The following BCL2 variants were observed in gnomAD, a reference collection of about 807,000 sequenced individuals.
The protein encoded by BCL2 is BCL2 apoptosis regulator, also known as apoptosis regulator Bcl-2.
BCL2 carries 1 observed loss-of-function variant against 14.2 expected under a neutral mutation model. The ratio of observed to expected loss-of-function variants is 0.07; its 90% CI spans 0.02 to 0.33. BCL2 has a LOEUF of 0.33. Among genes scored for constraint, BCL2 ranks in the 10% least tolerant of loss-of-function variants. The probability of loss-of-function intolerance (pLI) is 0.99; values close to 1 mark genes in which losing one functional copy is unlikely to be tolerated. For synonymous variants in BCL2, 151 were observed against 137.2 expected (o/e 1.10, Z -0.70); for missense variants, 247 against 305.9 (o/e 0.81, Z 1.44).
At chr18:63,232,574 A>G (rs183617194) in intron 2 of BCL2, among the ~76,000 whole-genome samples, 2 of 152,372 alleles carry the variant, frequency 1.3e-5, no homozygotes, top group East Asian at 1.9e-4. Flanking sequence ...TCAGAGAAAT[A>G]CAAATCAAGA....
intron 2 of BCL2, among the ~76,000 whole-genome samples, chr18:63,259,191 T>C (rs950929791): frequency 6.6e-6 from 1 of 152,252 alleles, no homozygotes; most frequent in African/African-American, 2.4e-5. Context: ...GCCTGTAATG[T>C]GGCAAAATGT....
chr18:63,198,441 GACAC>G (rs1264694308), intron 2 of BCL2, among the ~76,000 whole-genome samples: 1 of 59,546 alleles, frequency 1.7e-5, no homozygotes, highest in Non-Finnish European at 3.6e-5. Context: ...GACACACACT[GACAC>G]ACAGACACAG....
At position 63,229,319 on chromosome 18, in the gene BCL2, A is replaced by G. The variant is rs140998038; in HGVS notation, c.585+88763T>C. ...AAATGTCAAAAATATGCAAGAAAAT[A>G]GAATACAGGAAAGTGGTATTTAGGT... On this transcript the variant is annotated intron_variant, in intron 2 of 2. Transcript: ENST00000333681. 3.9e-5 allele frequency among the ~76,000 whole-genome samples: 6 copies of G among 152,368 alleles called. No individual in the cohort carries two copies. In the East Asian group the frequency reaches 1.2e-3, roughly 29 times the overall value.
rs1913617099 is a variant in BCL2 at position 63,319,239 on chromosome 18, A to G, written c.-352T>C. 8.1e-6 allele frequency: 2 copies of G among 245,650 alleles called. No homozygotes were observed. The highest frequency in any genetic ancestry group is 1.5e-5 in the Non-Finnish European group (2 of 130,478). The allele number at this position is 245,650 out of a possible 1,614,324, so 15.2% of individuals were successfully genotyped here. On this transcript the variant is annotated 5_prime_UTR_variant, in exon 1 of 3. It removes an upstream start codon present in the reference 5' UTR. Transcript: ENST00000333681. ...CTTTTTGTAAAACCAAAACAAATGC[A>G]TAAGGCAACGATCCCATCAATCTTC...
chr18:63,315,856 G>GGT (rs952840231), intron 2 of BCL2: 1 of 151,860 alleles, frequency 6.6e-6, no homozygotes, highest in African/African-American at 2.4e-5. Context: ...TGCATTTCCT[G>GGT]GTATATATAT....
intron 2 of BCL2, among the ~76,000 whole-genome samples, chr18:63,313,224 C>G (rs1048019074): frequency 2.0e-5 from 3 of 152,230 alleles, no homozygotes; most frequent in African/African-American, 7.2e-5. Flanking sequence ...GCAAAGCTCT[C>G]CTTGCCGTGC....
At chr18:63,144,099 C>T (rs1231443907) in intron 2 of BCL2, among the ~76,000 whole-genome samples, 1 of 152,286 alleles carries the variant, frequency 6.6e-6, no homozygotes, top group East Asian at 1.9e-4. Context: ...TGAGGAAACC[C>T]CTTGGCCAAT....
intron 2 of BCL2, among the ~76,000 whole-genome samples, chr18:63,206,342 AG>A (rs948424277): frequency 1.3e-5 from 2 of 152,242 alleles, no homozygotes; most frequent in Non-Finnish European, 2.9e-5. Flanking sequence ...GTGGAAGCAA[AG>A]GAAGTGCACA....
At chr18:63,302,396 A>G (rs931211805) in intron 2 of BCL2, 3 of 984,948 alleles carry the variant, frequency 3.0e-6, no homozygotes, top group Middle Eastern at 5.2e-4. Flanking sequence ...GGGTTTGGGG[A>G]GCCTGATGGT....
At chr18:63,290,182 C>T (rs958101371) in intron 2 of BCL2, among the ~76,000 whole-genome samples, 2 of 152,024 alleles carry the variant, frequency 1.3e-5, no homozygotes, top group African/African-American at 4.8e-5. Context: ...GGAGGGATGA[C>T]GATGAGTTTA....
At chr18:63,136,029 C>T (rs1914199428) in intron 2 of BCL2, among the ~76,000 whole-genome samples, 1 of 152,124 alleles carries the variant, frequency 6.6e-6, no homozygotes, top group Non-Finnish European at 1.5e-5. Flanking sequence ...TCTTCCGTGA[C>T]TCTGCTCCCT....
chr18:63,232,361 G>A (rs1910712890), intron 2 of BCL2, among the ~76,000 whole-genome samples: 1 of 152,020 alleles, frequency 6.6e-6, no homozygotes, highest in African/African-American at 2.4e-5. Flanking sequence ...ATGTTTAAAG[G>A]CAATAAATAG....
intron 2 of BCL2, among the ~76,000 whole-genome samples, chr18:63,243,999 T>C (rs535186243): frequency 6.6e-6 from 1 of 152,292 alleles, no homozygotes; most frequent in Admixed American, 6.5e-5. Flanking sequence ...ATCCCAGCAC[T>C]TTGGGAGACC....
At chr18:63,316,935 T>A (rs1446221556) in intron 2 of BCL2, 3 of 145,550 alleles carry the variant, frequency 2.1e-5, no homozygotes, top group Non-Finnish European at 1.5e-5. Flanking sequence ...ACAAAAAGTG[T>A]AAAAAAAAAA....
intron 2 of BCL2, among the ~76,000 whole-genome samples, chr18:63,228,596 C>T (rs1479587837): frequency 2.0e-5 from 3 of 152,140 alleles, no homozygotes; most frequent in Admixed American, 1.3e-4. Context: ...TACTGTATCT[C>T]CAGTGTTTAG....
intron 2 of BCL2, among the ~76,000 whole-genome samples, chr18:63,237,253 G>GT (rs1388607333): frequency 2.0e-5 from 3 of 152,288 alleles, no homozygotes; most frequent in African/African-American, 7.2e-5. Flanking sequence ...AAACAGGCGG[G>GT]GGGGAGGTGG....
At chr18:63,142,637 C>T (rs1317952142) in intron 2 of BCL2, among the ~76,000 whole-genome samples, 5 of 152,186 alleles carry the variant, frequency 3.3e-5, no homozygotes, top group Non-Finnish European at 2.9e-5. Flanking sequence ...TGCGATGATC[C>T]TCTGAGAAGC....
At chr18:63,150,056 G>A (rs542177718) in intron 2 of BCL2, among the ~76,000 whole-genome samples, 1 of 151,936 alleles carries the variant, frequency 6.6e-6, no homozygotes, top group African/African-American at 2.4e-5. Context: ...AATTTTTGTA[G>A]TTTTTTTGTA....
At chr18:63,178,029 C>G (rs1915390960) in intron 2 of BCL2, among the ~76,000 whole-genome samples, 1 of 152,186 alleles carries the variant, frequency 6.6e-6, no homozygotes, top group African/African-American at 2.4e-5. Flanking sequence ...AGTGTGAGCT[C>G]AGGGCCCAGA....
Sources: gnomAD v4.1 joint callset for allele counts (sites outside exome capture counted in the v4.1 genomes callset) on GRCh38, gnomAD v4.1.1 for gene constraint, MANE v1.5 for transcripts, NCBI Gene and HGNC (gene_info 2026-07-23, HGNC 2026-07-21) for gene names.